The following MGST1 variants were observed in gnomAD, a reference collection of about 807,000 sequenced individuals.
MGST1 encodes the protein microsomal glutathione S-transferase 1.
Under a neutral mutation model 8.9 loss-of-function variants are expected in MGST1, and 5 were observed. The observed-to-expected ratio is 0.56, with a 90% CI of 0.29 to 1.19. The LOEUF is 1.19. Ranked by LOEUF, MGST1 falls within the 50% of genes most tolerant of loss-of-function variation. The probability of loss-of-function intolerance (pLI) is 0.08; values close to 1 mark genes in which losing one functional copy is unlikely to be tolerated. For missense variants in MGST1, 182 were observed against 187.4 expected, an observed-to-expected ratio of 0.97 and a Z score of 0.17; for synonymous variants, 54 against 67.8, an observed-to-expected ratio of 0.80 and a Z score of 1.00.
At chr12:16,403,055 A>C (rs996849447) in intron 1 of MGST1, among the ~76,000 whole-genome samples, 1 of 151,822 alleles carries the variant, frequency 6.6e-6, no homozygotes, top group East Asian at 1.9e-4. Flanking sequence ...TTGACTTGAT[A>C]TAATCATTTT....
chr12:16,439,155 A>G (rs1177051754), downstream of MGST1, among the ~76,000 whole-genome samples: 1 of 151,556 alleles, frequency 6.6e-6, no homozygotes, highest in African/African-American at 2.4e-5. Context: ...ATATTCTGCT[A>G]TGATTGCATA....
At chr12:16,360,237 C>A (rs1939927043) in intron 3 of MGST1, 5 of 578,394 alleles carry the variant, frequency 8.6e-6, no homozygotes, top group Non-Finnish European at 1.1e-5. Context: ...GAGAGCGTTT[C>A]CAGCATCTTC....
At chr12:16,444,187 T>G (rs1452465747) in intron 4 of MGST1, among the ~76,000 whole-genome samples, 2 of 150,836 alleles carry the variant, frequency 1.3e-5, no homozygotes, top group Non-Finnish European at 3.0e-5. Flanking sequence ...GATTTGGTTT[T>G]TTTTTTTTTT....
chr12:16,365,089 GGTA>G (rs1171015525), downstream of MGST1, among the ~76,000 whole-genome samples: 1 of 152,112 alleles, frequency 6.6e-6, no homozygotes, highest in Non-Finnish European at 1.5e-5. Flanking sequence ...AATTTAGTAA[GGTA>G]GTGTCAACCA....
At chr12:16,523,653 C>G (rs1163609870) in intron 4 of MGST1, among the ~76,000 whole-genome samples, 1 of 152,064 alleles carries the variant, frequency 6.6e-6, no homozygotes, top group African/African-American at 2.4e-5. Context: ...TAAAAAATGA[C>G]TATCCATTCT....
At chr12:16,371,047 C>T (rs1165230653) in intron 3 of MGST1, among the ~76,000 whole-genome samples, 1 of 152,038 alleles carries the variant, frequency 6.6e-6, no homozygotes, top group African/African-American at 2.4e-5. Flanking sequence ...TCAATAAATG[C>T]ATTGAATTAC....
chr12:16,415,148 TG>T (rs1336224772), intron 1 of MGST1, among the ~76,000 whole-genome samples: 1 of 152,244 alleles, frequency 6.6e-6, no homozygotes, highest in African/African-American at 2.4e-5. Context: ...GTACATTTTC[TG>T]GAATTATATG....
intron 4 of MGST1, among the ~76,000 whole-genome samples, chr12:16,535,507 C>T (rs1054921940): frequency 1.2e-4 from 18 of 152,218 alleles, no homozygotes; most frequent in South Asian, 8.3e-4. Context: ...TGTTTGCTTG[C>T]GACAAAAACA....
At chr12:16,519,806 G>T (rs1034541445) in intron 4 of MGST1, among the ~76,000 whole-genome samples, 1 of 152,084 alleles carries the variant, frequency 6.6e-6, no homozygotes, top group Non-Finnish European at 1.5e-5. Flanking sequence ...TTCTGAAGAG[G>T]TTCTCATATT....
intron 1 of MGST1, among the ~76,000 whole-genome samples, chr12:16,412,342 G>A (rs1355627259): frequency 6.6e-6 from 1 of 152,128 alleles, no homozygotes; most frequent in Non-Finnish European, 1.5e-5. Context: ...AGATCTCCTA[G>A]TTGCCCTTTG....
chr12:16,455,275 C>A (rs1352036336), intron 4 of MGST1, among the ~76,000 whole-genome samples: 1 of 151,858 alleles, frequency 6.6e-6, no homozygotes, highest in East Asian at 1.9e-4. Context: ...GCATTAAATT[C>A]TCTCAACAAA....
chr12:16,550,387 A>T (rs1337824970), intron 4 of MGST1: 1 of 152,422 alleles, frequency 6.6e-6, no homozygotes. Flanking sequence ...CAAAGGCACT[A>T]GTTCACATAA....
intron 1 of MGST1, among the ~76,000 whole-genome samples, chr12:16,353,238 T>C (rs1939553686): frequency 6.6e-6 from 1 of 152,036 alleles, no homozygotes. Flanking sequence ...TTTCACTGTG[T>C]CAGCCAGGAT....
intron 4 of MGST1, among the ~76,000 whole-genome samples, chr12:16,518,282 C>T (rs1941626991): frequency 1.3e-5 from 2 of 152,138 alleles, no homozygotes; most frequent in Non-Finnish European, 2.9e-5. Context: ...AGCCTCTCCA[C>T]TCATTCTTCT....
At chr12:16,552,868 A>C (rs1057314457) in intron 4 of MGST1, among the ~76,000 whole-genome samples, 1 of 152,108 alleles carries the variant, frequency 6.6e-6, no homozygotes, top group Non-Finnish European at 1.5e-5. Flanking sequence ...TGTGCAAGCC[A>C]GTTTGATATC....
chr12:16,384,573 T>G (rs1222585715), intron 1 of MGST1, among the ~76,000 whole-genome samples: 9 of 152,194 alleles, frequency 5.9e-5, no homozygotes, highest in Non-Finnish European at 1.2e-4. Context: ...ACAACTTGAT[T>G]TCAGGTTTCT....
At chr12:16,376,738 T>A (rs1940386330) in exon 4 of MGST1, 1 of 152,122 alleles carries the variant, frequency 6.6e-6, no homozygotes, top group Admixed American at 6.6e-5. Flanking sequence ...ATGTTAAATA[T>A]TTTCAGATAT....
intron 1 of MGST1, among the ~76,000 whole-genome samples, chr12:16,418,006 C>A (rs998335221): frequency 5.3e-5 from 8 of 152,252 alleles, no homozygotes; most frequent in South Asian, 2.1e-4. Context: ...TTGAACAGCT[C>A]TTCCATGCTC....
At chr12:16,373,001 T>A (rs1338782400) in intron 3 of MGST1, among the ~76,000 whole-genome samples, 1 of 129,914 alleles carries the variant, frequency 7.7e-6, no homozygotes, top group African/African-American at 2.8e-5. Flanking sequence ...ATATATTATA[T>A]ACTATATTAT....
Sources: allele counts gnomAD v4.1 joint callset (sites outside exome capture counted in the v4.1 genomes callset), GRCh38; gene constraint gnomAD v4.1.1; transcripts MANE v1.5; gene names NCBI Gene and HGNC (gene_info 2026-07-23, HGNC 2026-07-21).